DCAF8L2: variants seen among roughly 807,000 people sequenced by gnomAD.
The protein encoded by DCAF8L2 is DDB1- and CUL4-associated factor 8-like protein 2.
For missense variants in DCAF8L2, 430 were observed against 490.7 expected, an observed-to-expected ratio of 0.88 and a Z score of 1.17; for synonymous variants, 200 against 190.9, an observed-to-expected ratio of 1.05 and a Z score of -0.39.
chrX:27,481,790 T>C, the DCAF8L2 span, among the ~76,000 whole-genome samples: 1 of 112,144 alleles, frequency 8.9e-6, no homozygotes, highest in Non-Finnish European at 1.9e-5. Context: ...ATTTTGGATC[T>C]ATTGAATTTG....
the DCAF8L2 span, among the ~76,000 whole-genome samples, chrX:27,512,527 TA>T: frequency 9.5e-6 from 1 of 105,806 alleles, no homozygotes; most frequent in Admixed American, 1.0e-4. Flanking sequence ...TTATTAAAAA[TA>T]CAAAAATTAG....
the DCAF8L2 span, among the ~76,000 whole-genome samples, chrX:27,531,232 G>A: frequency 9.0e-6 from 1 of 111,720 alleles, no homozygotes; most frequent in African/African-American, 3.2e-5. Context: ...CGAATGTGGA[G>A]CAAGGTCATG....
intron 2 of DCAF8L2, among the ~76,000 whole-genome samples, chrX:27,674,550 CTT>C (rs751495433): frequency 5.6e-4 from 62 of 111,263 alleles, no homozygotes; most frequent in Non-Finnish European, 8.3e-4. Flanking sequence ...TGCACACTGA[CTT>C]TCTCATGTTC....
the DCAF8L2 span, among the ~76,000 whole-genome samples, chrX:27,501,469 AT>A: frequency 1.8e-5 from 2 of 111,358 alleles, no homozygotes; most frequent in Non-Finnish European, 3.8e-5. Flanking sequence ...TCCATTATAT[AT>A]TCCATGTGTA....
the DCAF8L2 span, among the ~76,000 whole-genome samples, chrX:27,488,653 G>C: frequency 1.9e-5 from 2 of 108,093 alleles, no homozygotes; most frequent in East Asian, 5.9e-4. Flanking sequence ...TGTTTTTCAA[G>C]ATTTGTTTTG....
At chrX:27,637,289 T>C (rs1357529081) in intron 2 of DCAF8L2, among the ~76,000 whole-genome samples, 1 of 112,247 alleles carries the variant, frequency 8.9e-6, no homozygotes, top group Non-Finnish European at 1.9e-5. Flanking sequence ...TCTGAAATTT[T>C]CTCCATTGTG....
intron 1 of DCAF8L2, among the ~76,000 whole-genome samples, chrX:27,599,070 G>T (rs1482111041): frequency 1.8e-5 from 2 of 109,051 alleles, no homozygotes; most frequent in African/African-American, 3.4e-5. Flanking sequence ...GCATTCCCAT[G>T]TACATCACAG....
chrX:27,576,219 A>G, the DCAF8L2 span, among the ~76,000 whole-genome samples: 1 of 112,032 alleles, frequency 8.9e-6, no homozygotes, highest in Non-Finnish European at 1.9e-5. Flanking sequence ...AACGTATTCA[A>G]CTTGTCTAAT....
intron 2 of DCAF8L2, among the ~76,000 whole-genome samples, chrX:27,665,366 G>T (rs1005800103): frequency 9.0e-6 from 1 of 111,626 alleles, no homozygotes; most frequent in African/African-American, 3.3e-5. Flanking sequence ...TGACTGAATT[G>T]CTGCAATTTC....
At chrX:27,555,533 C>G in the DCAF8L2 span, among the ~76,000 whole-genome samples, 1 of 112,155 alleles carries the variant, frequency 8.9e-6, no homozygotes, top group Admixed American at 9.4e-5. Context: ...TCAAACCTGA[C>G]AGCTTAAGAG....
At chrX:27,541,869 A>G in the DCAF8L2 span, among the ~76,000 whole-genome samples, 1 of 110,456 alleles carries the variant, frequency 9.1e-6, no homozygotes, top group Admixed American at 9.7e-5. Flanking sequence ...GTAGTCCCCA[A>G]TATCTGTTTT....
chrX:27,679,902 T>C (rs1277115484), intron 3 of DCAF8L2, among the ~76,000 whole-genome samples: 1 of 111,775 alleles, frequency 8.9e-6, no homozygotes, highest in African/African-American at 3.2e-5. Context: ...AGCAAATAGA[T>C]CTAGCTAGAA....
chrX:27,579,234 G>A, the DCAF8L2 span, among the ~76,000 whole-genome samples: 2 of 111,406 alleles, frequency 1.8e-5, no homozygotes, highest in Non-Finnish European at 3.8e-5. Context: ...GCCATAGAAA[G>A]GAACAAGATA....
chrX:27,748,287 G>C lies in DCAF8L2; in HGVS notation c.1392G>C (p.Lys464Asn). 8.3e-7 allele frequency: 1 copy of C among 1,211,295 alleles called. No individual in the cohort carries two copies. The highest frequency in any genetic ancestry group is 1.1e-6 in the Non-Finnish European group (1 of 895,248). The change falls in exon 5 of 5, where the codon AAG (lysine) becomes AAC (asparagine). Residue 464 changes from lysine (K) to asparagine (N), a missense_variant. Transcript: ENST00000451261. Reference sequence around the variant, plus strand: ...GTGCTCAATACAGTAAGAGATTTAAGGGACACAGAAATAATACCACAGTCA... The same window carrying C: ...GTGCTCAATACAGTAAGAGATTTAACGGACACAGAAATAATACCACAGTCA... ...SDGAQYSKRF[K>N]GHRNNTTVKG...
chrX:27,534,593 A>G, the DCAF8L2 span, among the ~76,000 whole-genome samples: 1 of 111,650 alleles, frequency 9.0e-6, no homozygotes, highest in African/African-American at 3.3e-5. Context: ...TCTCTTTCAC[A>G]TTTGACATTG....
At chrX:27,568,162 T>A in the DCAF8L2 span, among the ~76,000 whole-genome samples, 2 of 111,452 alleles carry the variant, frequency 1.8e-5, no homozygotes, top group African/African-American at 6.5e-5. Context: ...CCCAAAACAA[T>A]GGCCTTCTAT....
At chrX:27,693,306 T>C (rs1407289751) in intron 3 of DCAF8L2, among the ~76,000 whole-genome samples, 1 of 111,329 alleles carries the variant, frequency 9.0e-6, no homozygotes, top group Non-Finnish European at 1.9e-5. Flanking sequence ...GTGTAGCCAC[T>C]AGTGCATATC....
chrX:27,582,846 A>C, the DCAF8L2 span, among the ~76,000 whole-genome samples: 2 of 111,049 alleles, frequency 1.8e-5, no homozygotes, highest in African/African-American at 6.6e-5. Flanking sequence ...TAACCATGAT[A>C]TCAACATGGT....
the DCAF8L2 span, among the ~76,000 whole-genome samples, chrX:27,514,561 T>C: frequency 7.1e-5 from 7 of 98,145 alleles, no homozygotes; most frequent in African/African-American, 1.5e-4. Flanking sequence ...CCCAGCTACT[T>C]GGGAGGCTGA....
Sources: gnomAD v4.1 joint callset for allele counts (sites outside exome capture counted in the v4.1 genomes callset) on GRCh38, gnomAD v4.1.1 for gene constraint, MANE v1.5 for transcripts, NCBI Gene and HGNC (gene_info 2026-07-23, HGNC 2026-07-21) for gene names.